Variants in SCAP observed in about 807,000 individuals in gnomAD.
SCAP encodes SREBF chaperone.
SCAP carries 65 observed loss-of-function variants against 123.6 expected under a neutral mutation model. The ratio of observed to expected loss-of-function variants is 0.53; its 90% confidence interval spans 0.43 to 0.65. SCAP has a LOEUF of 0.65. SCAP is among the 30% of genes least tolerant of loss of function. The probability of loss-of-function intolerance (pLI) is 0.00; values close to 1 mark genes in which losing one functional copy is unlikely to be tolerated. For missense variants in SCAP, 1,398 were observed against 1,712.5 expected (o/e 0.82, Z 3.24); for synonymous variants, 740 against 726.3 (o/e 1.02, Z -0.30).
intron 20 of SCAP, 49 bp downstream of exon 20, chr3:47,414,778 C>A: frequency 6.3e-7 from 1 of 1,598,848 alleles, no homozygotes; most frequent in Non-Finnish European, 8.5e-7. Context: ...ATCAGGCTCC[C>A]ACCCCGTGCC....
rs1245509204 is a variant in SCAP at position 47,419,483 on chromosome 3, G to A, written c.1785C>T (p.Gly595=). The A allele has an allele frequency of 2.5e-6, 4 of 1,613,990 alleles. No individual in the cohort carries two copies. The highest frequency in any genetic ancestry group is 3.4e-6 in the Non-Finnish European group (4 of 1,180,014). ...CTGGACCTCCACGCTCAGGTGACTC[G>A]CCTGGCGACGTCTGGTTCTCAGGTA... is the stretch of plus-strand genomic sequence containing the variant. ...PKLPENQTSP[G]ESPERGGPAE... is the part of the protein sequence containing the mutation. Residue 595 remains glycine (G), a synonymous_variant, in exon 13 of 23, where the codon GGC becomes GGT. Transcript: ENST00000265565. This position sits in a 1 kb window ranked among gnomAD's most constrained non-coding sequence, Gnocchi z 5.0.
At chr3:47,418,107 AAAG>A (rs1705712578) in intron 16 of SCAP, 24 bp downstream of exon 16, 1 of 1,530,522 alleles carries the variant, frequency 6.5e-7, no homozygotes, top group African/African-American at 1.4e-5. Flanking sequence ...GTGGGGGCAC[AAAG>A]GAGGAAAGGG....
At chr3:47,421,671 G>A (rs183668990) in intron 10 of SCAP, among the ~76,000 whole-genome samples, 8 of 152,204 alleles carry the variant, frequency 5.3e-5, no homozygotes, top group Non-Finnish European at 7.3e-5. Flanking sequence ...CAGCTCTAAC[G>A]TCCCAAGACT....
At position 47,420,513 on chromosome 3, in the gene SCAP, C is replaced by T. The variant is rs767436635; in HGVS notation, c.1563+41G>A. On this transcript the variant is annotated intron_variant, in intron 12 of 22. Transcript: ENST00000265565. This position sits in a 1 kb window ranked among gnomAD's most constrained non-coding sequence, Gnocchi z 5.0. ...CACCACAAGGGGCCTGGAGCACCGGCCCTCCAGAAGAGGGCAGGGCAGGGC... is the reference window on the plus strand; with the variant it reads ...CACCACAAGGGGCCTGGAGCACCGGTCCTCCAGAAGAGGGCAGGGCAGGGC... The T allele has an allele frequency of 3.3e-6, 5 of 1,517,210 alleles. No homozygotes were observed. The highest frequency in any genetic ancestry group is 4.5e-6 in the Non-Finnish European group (5 of 1,122,506). The allele number at this position is 1,517,210 out of a possible 1,614,324, so 94.0% of individuals were successfully genotyped here. A position where few individuals can be genotyped will look rare whatever the true frequency, so the allele number is the denominator to read the frequency against.
intron 2 of SCAP, among the ~76,000 whole-genome samples, chr3:47,441,897 TTGGTCTTG>T (rs1189201369): frequency 1.3e-5 from 2 of 148,818 alleles, no homozygotes; most frequent in Non-Finnish European, 3.0e-5. Context: ...TTTTTTTTTT[TTGGTCTTG>T]CTATGTTGCC....
intron 2 of SCAP, among the ~76,000 whole-genome samples, chr3:47,441,789 G>C (rs1057216350): frequency 2.7e-5 from 4 of 150,444 alleles, no homozygotes; most frequent in African/African-American, 9.8e-5. Context: ...TTGTTAAATG[G>C]AAACATAACT....
chr3:47,430,821 C>A (rs1324818981), intron 3 of SCAP, among the ~76,000 whole-genome samples: 1 of 151,962 alleles, frequency 6.6e-6, no homozygotes, highest in Non-Finnish European at 1.5e-5. Flanking sequence ...GAGGGGCTGT[C>A]TCCACGCCTG....
At chr3:47,425,637 G>C (rs1159453428) in intron 7 of SCAP, 26 bp from the exon 8 acceptor site, 12 of 1,610,976 alleles carry the variant, frequency 7.4e-6, no homozygotes, top group Non-Finnish European at 7.6e-6. Flanking sequence ...GGCGTATCAG[G>C]GCGGCCCCTC....
Position 47,435,029 on chromosome 3 carries a change from C to T in SCAP, c.231G>A (p.Glu77=). The T allele has an allele frequency of 6.2e-7, 1 of 1,614,184 alleles. No individual in the cohort carries two copies. The highest frequency in any genetic ancestry group is 8.5e-7 in the Non-Finnish European group (1 of 1,180,018). ...CCACCCACTCAGGCTGCTCAGTAGGCTCTCCTTGTTTGCGGTCAGAGTCCA... is the reference window on the plus strand; with the variant it reads ...CCACCCACTCAGGCTGCTCAGTAGGTTCTCCTTGTTTGCGGTCAGAGTCCA... ...PPVDSDRKQG[E]PTEQPEWYVG... The change falls in exon 3 of 23, where the codon GAG becomes GAA. Residue 77 remains glutamate, a synonymous_variant. Coordinates refer to ENST00000265565, the MANE Select transcript of SCAP (RefSeq NM_012235.4).
At chr3:47,462,873 T>A (rs1316401947) in intron 1 of SCAP, among the ~76,000 whole-genome samples, 1 of 152,108 alleles carries the variant, frequency 6.6e-6, no homozygotes, top group Non-Finnish European at 1.5e-5. Context: ...CCTCCCTTCC[T>A]GCTTCCCCAT....
intron 1 of SCAP, among the ~76,000 whole-genome samples, chr3:47,473,095 A>AAAAAAAAAAAAAAAAC (rs1559576259): frequency 6.8e-6 from 1 of 146,292 alleles, no homozygotes; most frequent in African/African-American, 2.5e-5. Context: ...AAAAAAAAAA[A>AAAAAAAAAAAAAAAAC]AAAACAGACT....
chr3:47,424,115 G>T, intron 8 of SCAP, 70 bp from the exon 9 acceptor site: 1 of 1,194,654 alleles, frequency 8.4e-7, no homozygotes, highest in Non-Finnish European at 1.2e-6. Context: ...CCCTCAGGAA[G>T]GCTGTGGGGT....
intron 10 of SCAP, 144 bp from the exon 11 acceptor site, chr3:47,421,173 T>G (rs1705882473): frequency 1.5e-6 from 1 of 682,984 alleles, no homozygotes; most frequent in Admixed American, 2.3e-5. Flanking sequence ...TGCTGGTTGG[T>G]CCTCAGCTCA....
chr3:47,452,506 A>G (rs1300388935), intron 1 of SCAP, among the ~76,000 whole-genome samples: 1 of 152,252 alleles, frequency 6.6e-6, no homozygotes, highest in African/African-American at 2.4e-5. Context: ...AAGAGAGCTA[A>G]TAATCCCCTC....
At chr3:47,440,793 G>A (rs905402678) in intron 2 of SCAP, among the ~76,000 whole-genome samples, 3 of 152,138 alleles carry the variant, frequency 2.0e-5, no homozygotes, top group African/African-American at 7.2e-5. Flanking sequence ...CCATGAAGTC[G>A]AGACTGCAAT....
intron 1 of SCAP, among the ~76,000 whole-genome samples, chr3:47,454,192 C>A (rs946432160): frequency 6.6e-6 from 1 of 151,784 alleles, no homozygotes; most frequent in Non-Finnish European, 1.5e-5. Flanking sequence ...ACAGTGAAAC[C>A]CTGTCTCTAC....
intron 1 of SCAP, among the ~76,000 whole-genome samples, chr3:47,453,708 C>G (rs986197198): frequency 6.6e-6 from 1 of 152,062 alleles, no homozygotes; most frequent in African/African-American, 2.4e-5. Flanking sequence ...GTAATACGCC[C>G]CCATGTTACC....
intron 3 of SCAP, among the ~76,000 whole-genome samples, chr3:47,433,661 G>GT (rs1337820206): frequency 6.6e-6 from 1 of 152,138 alleles, no homozygotes; most frequent in Non-Finnish European, 1.5e-5. Flanking sequence ...GAGGTCAGGA[G>GT]TTTGAGACCA....
chr3:47,437,300 G>A (rs190883475), intron 2 of SCAP, among the ~76,000 whole-genome samples: 141 of 151,830 alleles, frequency 9.3e-4, no homozygotes, highest in Admixed American at 2.6e-3. Context: ...TTAGCCGGGC[G>A]TGGTGGCGTA....
Sources: allele counts gnomAD v4.1 joint callset (sites outside exome capture counted in the v4.1 genomes callset), GRCh38; gene constraint gnomAD v4.1.1; non-coding constraint Gnocchi (gnomAD v3.1); transcripts MANE v1.5; gene names NCBI Gene and HGNC (gene_info 2026-07-23, HGNC 2026-07-21).